Variants in KIF7 observed in about 807,000 individuals in gnomAD.
KIF7 encodes kinesin-like protein KIF7.
Under a neutral mutation model 135.7 loss-of-function variants are expected in KIF7, and 104 were observed. That is an observed-to-expected ratio of 0.77 (90% CI 0.65 to 0.90). KIF7 has a LOEUF of 0.90. KIF7 is among the 40% of genes least tolerant of loss of function. KIF7 has a pLI of 0.00. For missense variants in KIF7, 2,005 were observed against 1,839.1 expected (o/e 1.09, Z -1.65); for synonymous variants, 883 against 809.4 (o/e 1.09, Z -1.54).
Position 89,619,586 on chromosome 15 carries a change from T to A in KIF7, c.181-1391A>T, listed in dbSNP as rs572853237. On this transcript the variant is annotated intron_variant and NMD_transcript_variant, in intron 1 of 2. Coordinates refer to the KIF7 transcript ENST00000558928. ...CACTTCAGAAGTCTCTTAAAGCTAA[T>A]AGCTTGCTGAATTTCCATCTTATAT... is the stretch of plus-strand genomic sequence containing the variant. 12 of 1,025,754 alleles carry A rather than the reference T, an allele frequency of 1.2e-5. No individual in the cohort carries two copies. In the African/African-American group the frequency reaches 1.4e-4, roughly 12 times the overall value. The allele number at this position is 1,025,754 out of a possible 1,614,324, so 63.5% of individuals were successfully genotyped here.
At chr15:89,648,840 C>T in intron 4 of KIF7, 66 bp from the exon 5 acceptor site, 1 of 1,479,594 alleles carries the variant, frequency 6.8e-7, no homozygotes, top group Non-Finnish European at 9.0e-7. Context: ...GCGGGCCAGA[C>T]CTGGGACCGG....
chr15:89,658,821 G>A (rs558236121), upstream of KIF7, among the ~76,000 whole-genome samples: 9 of 149,700 alleles, frequency 6.0e-5, no homozygotes, highest in East Asian at 4.1e-4. Context: ...CTGTGATGGC[G>A]CCACTGCACT....
chr15:89,639,290 T>C (rs547179471), intron 11 of KIF7, among the ~76,000 whole-genome samples: 1 of 151,674 alleles, frequency 6.6e-6, no homozygotes, highest in African/African-American at 2.4e-5. Flanking sequence ...AATCGACAAA[T>C]GGGATCTAAT....
intron 1 of KIF7, 43 bp downstream of exon 1, chr15:89,655,356 C>G (rs1299671861): frequency 6.6e-6 from 1 of 152,256 alleles, no homozygotes; most frequent in Non-Finnish European, 1.5e-5. Flanking sequence ...TCCCTCCACC[C>G]ACCCGGTCCT....
At chr15:89,625,013 C>T (rs368506681), downstream of KIF7, 99 of 1,613,998 alleles carry the variant, frequency 6.1e-5, no homozygotes, top group Non-Finnish European at 3.2e-5. Context: ...ATGCAAGCTT[C>T]TGGCCTTCCC....
At position 89,649,374 on chromosome 15, in the gene KIF7, G is replaced by A. The variant is rs202043641; in HGVS notation, c.530-7C>T. ...TCCTTCACCCCGCACAGCACTGCGG[G>A]CACAGAAGGCCGTGAGCCCCAGGGC... On this transcript the variant is annotated splice_region_variant and splice_polypyrimidine_tract_variant and intron_variant, in intron 3 of 18. Coordinates refer to ENST00000394412, the MANE Select transcript of KIF7 (RefSeq NM_198525.3). The A allele has an allele frequency of 3.2e-5, 46 of 1,449,722 alleles. No individual in the cohort carries two copies. The East Asian group carries it at 1.0e-3, about 32-fold the overall frequency. The allele number at this position is 1,449,722 out of a possible 1,614,324, so 89.8% of individuals were successfully genotyped here.
chr15:89,657,860 G>A (rs369173588), upstream of KIF7, among the ~76,000 whole-genome samples: 27 of 152,306 alleles, frequency 1.8e-4, 1 homozygote, highest in South Asian at 1.7e-3. Flanking sequence ...GCAAAGTGCC[G>A]GAAGTTGCAA....
rs1485011167 is a variant in KIF7, at chr15:89,649,094, C to T, written c.803G>A (p.Arg268Gln). ...RVLKTGSTGE[R>Q]LKESIQINSS... ...GTTGATCTGGATGCTCTCCTTGAGC[C>T]GCTCGCCGGTGCTGCCCGTCTTGAG... Residue 268 changes from arginine (R) to glutamine (Q), a missense_variant, in exon 4 of 19, where the codon CGG (arginine) becomes CAG (glutamine). By Grantham distance (43) the Arg-to-Gln change is conservative. Transcript: ENST00000394412. 5 of 1,547,878 alleles carry T rather than the reference C, an allele frequency of 3.2e-6. No individual in the cohort carries two copies. The highest frequency in any genetic ancestry group is 4.4e-6 in the Non-Finnish European group (5 of 1,146,758).
intron 11 of KIF7, among the ~76,000 whole-genome samples, chr15:89,637,506 G>A (rs1963834172): frequency 6.6e-6 from 1 of 152,114 alleles, no homozygotes; most frequent in South Asian, 2.1e-4. Context: ...CGATCCCACA[G>A]AAATACAGAC....
rs1596078584 is a variant in KIF7, at chr15:89,648,852, T to C, written c.924-78A>G. The C allele has an allele frequency of 2.0e-6, 3 of 1,470,386 alleles. No individual in the cohort carries two copies. In the East Asian group the frequency reaches 7.5e-5, roughly 37 times the overall value. 91.1% of individuals were successfully genotyped at this position (1,470,386 alleles called of 1,614,324 possible). On this transcript the variant is annotated intron_variant, in intron 4 of 18. Coordinates refer to ENST00000394412, the MANE Select transcript of KIF7 (RefSeq NM_198525.3). ...CCAGCGGGCCAGACCTGGGACCGGC[T>C]CCTGGCGCGGTTCCCGTGGGCTGGA...
chr15:89,628,552 T>G lies in KIF7; in HGVS notation c.3899A>C (p.Glu1300Ala). 6.2e-7 allele frequency: 1 copy of G among 1,613,282 alleles called. No individual in the cohort carries two copies. The highest frequency in any genetic ancestry group is 8.5e-7 in the Non-Finnish European group (1 of 1,179,974). ...AGGAAGCACCCGCCCCACCAGGGGC[T>G]CAGCCGCCTCCCGCTGCCTCAGTTC... ...PEELRQREAA[E>A]PLVGRVLPVG... Residue 1300 changes from glutamate (E) to alanine (A), a missense_variant, in exon 19 of 19, where the codon GAG becomes GCG. Coordinates refer to ENST00000394412, the MANE Select transcript of KIF7 (RefSeq NM_198525.3).
At chr15:89,651,936 C>T (rs1279454975) in intron 2 of KIF7, among the ~76,000 whole-genome samples, 4 of 152,102 alleles carry the variant, frequency 2.6e-5, no homozygotes, top group East Asian at 1.9e-4. Context: ...AGAGAGACAG[C>T]GACTGTCTGT....
At chr15:89,654,033 G>A (rs1244000404) in intron 1 of KIF7, among the ~76,000 whole-genome samples, 4 of 151,414 alleles carry the variant, frequency 2.6e-5, no homozygotes, top group Admixed American at 6.6e-5. Context: ...TATTTGAGAC[G>A]GAGTCTTGCT....
intron 1 of KIF7, 94 bp from the exon 2 acceptor site, chr15:89,653,048 T>G: frequency 1.9e-6 from 2 of 1,025,950 alleles, no homozygotes; most frequent in Non-Finnish European, 2.7e-6. Context: ...CTGCAGCTCC[T>G]GACCTTGGAG....
rs1567066632 is a variant in KIF7, at chr15:89,647,581, A to C, written c.1560+15T>G. On this transcript the variant is annotated intron_variant, in intron 6 of 18. Coordinates refer to ENST00000394412, the MANE Select transcript of KIF7 (RefSeq NM_198525.3). Reference sequence around the variant, plus strand: ...TCTGGGAAGCCTTCCCCGCACTGTGAAGCGGGCGCCGCACCTGCAGTTTGT... The same window carrying C: ...TCTGGGAAGCCTTCCCCGCACTGTGCAGCGGGCGCCGCACCTGCAGTTTGT... 1.2e-6 allele frequency: 2 copies of C among 1,604,058 alleles called. No homozygotes were observed. The highest frequency in any genetic ancestry group is 1.7e-6 in the Non-Finnish European group (2 of 1,173,858).
Position 89,619,215 on chromosome 15 carries a change from ATTC to A in KIF7, c.181-1023_181-1021del, listed in dbSNP as rs1963383318. On this transcript the variant is annotated intron_variant and NMD_transcript_variant, in intron 1 of 2. Transcript: ENST00000558928. ...TAAATACTTGTTTTCGCCCTACACC[ATTC>A]TTCTTTTTTTTTTTTTTTTTTTGGT... 3.7e-5 allele frequency among the ~76,000 whole-genome samples: 4 copies of A among 108,734 alleles called. No homozygotes were observed. The South Asian group carries it at 1.2e-3, about 31-fold the overall frequency. 71.3% of individuals were successfully genotyped at this position (108,734 alleles called of 152,430 possible). A position where few individuals can be genotyped will look rare whatever the true frequency, so the allele number is the denominator to read the frequency against.
At chr15:89,625,806 C>G, downstream of KIF7, 1 of 1,581,628 alleles carries the variant, frequency 6.3e-7, no homozygotes, top group Non-Finnish European at 8.6e-7. Context: ...TTTTTGAAAC[C>G]CAGTTTCCTC....
Position 89,648,686 on chromosome 15 carries a change from T to C in KIF7, c.1012A>G (p.Asn338Asp). 2.6e-6 allele frequency: 4 copies of C among 1,536,012 alleles called. No individual in the cohort carries two copies. Among genetic ancestry groups the C allele is most frequent in the Non-Finnish European group, 3.5e-6 (4 of 1,146,412 alleles). Residue 338 changes from asparagine to aspartate, a missense_variant, in exon 5 of 19, where the codon AAC becomes GAC. Coordinates refer to ENST00000394412, the MANE Select transcript of KIF7 (RefSeq NM_198525.3). ...GCGCGGCTGGCGTAGTTGAGGGTGT[T>C]GAGGGTCTCGTCGAAGTCGGAGGAG... ...PSSSDFDETL[N>D]TLNYASRAQN... is the part of the protein sequence containing the mutation.
At position 89,633,857 on chromosome 15, in the gene KIF7, C is replaced by G. The variant is rs141497185; in HGVS notation, c.2421G>C (p.Thr807=). 51 of 1,613,794 alleles carry G rather than the reference C, an allele frequency of 3.2e-5. No individual in the cohort carries two copies. The African/African-American group carries it at 6.0e-4, about 19-fold the overall frequency. ...VQVLKEKKQA[T]ERLVSLSAQS... The stretch of plus-strand genomic sequence containing the variant: ...GGGCCGACAGTGACACCAGCCGCTC[C>G]GTAGCCTGCTTCTTCTCCTTCAGCA... The change falls in exon 12 of 19, where the codon ACG becomes ACC. Residue 807 remains threonine, a synonymous_variant. Coordinates refer to ENST00000394412, the MANE Select transcript of KIF7 (RefSeq NM_198525.3).
Sources: allele counts gnomAD v4.1 joint callset (sites outside exome capture counted in the v4.1 genomes callset), GRCh38; gene constraint gnomAD v4.1.1; transcripts MANE v1.5; gene names NCBI Gene and HGNC (gene_info 2026-07-23, HGNC 2026-07-21).